MOXD1: variants seen among roughly 807,000 people sequenced by gnomAD.
MOXD1 encodes the protein DBH-like monooxygenase protein 1.
A neutral mutation model predicts 66.6 loss-of-function variants in MOXD1; 62 were observed. The ratio of observed to expected loss-of-function variants is 0.93; its 90% CI spans 0.76 to 1.15. MOXD1 has a LOEUF of 1.15. Among genes scored for constraint, MOXD1 ranks in the 50% most tolerant of loss-of-function variants. The pLI is 0.00. For missense variants in MOXD1, 847 were observed against 754.6 expected, an observed-to-expected ratio of 1.12 and a Z score of -1.44; for synonymous variants, 303 against 281.9, an observed-to-expected ratio of 1.07 and a Z score of -0.75.
At chr6:132,334,892 T>C (rs527400172) in intron 4 of MOXD1, among the ~76,000 whole-genome samples, 1 of 152,238 alleles carries the variant, frequency 6.6e-6, no homozygotes, top group Non-Finnish European at 1.5e-5. Context: ...CTTGGTGGCA[T>C]CTTATTCTAC....
At chr6:132,311,782 A>G (rs917408820) in intron 10 of MOXD1, among the ~76,000 whole-genome samples, 4 of 152,148 alleles carry the variant, frequency 2.6e-5, no homozygotes, top group African/African-American at 9.6e-5. Flanking sequence ...TAAGATGTTT[A>G]TAATAACATT....
chr6:132,401,295 C>G lies in MOXD1; in HGVS notation c.132G>C (p.Arg44=). The G allele has an allele frequency of 6.3e-7, 1 of 1,597,846 alleles. No individual in the cohort carries two copies. The highest frequency in any genetic ancestry group is 8.5e-7 in the Non-Finnish European group (1 of 1,177,226). ...GGAGGCGGAAGGCGATCTGGCTGCC[C>G]CGCTGGCTCCAGCCCAGCCAGTACT... ...EGKYWLGWSQ[R]GSQIAFRLQV... Residue 44 remains arginine, a synonymous_variant, in exon 1 of 12, where the codon CGG becomes CGC. Coordinates refer to ENST00000367963, the MANE Select transcript of MOXD1 (RefSeq NM_015529.4).
At chr6:132,369,517 C>T (rs970769519) in intron 4 of MOXD1, among the ~76,000 whole-genome samples, 1 of 151,874 alleles carries the variant, frequency 6.6e-6, no homozygotes, top group Non-Finnish European at 1.5e-5. Context: ...TTTTCACTTA[C>T]AGAAGCACTT....
rs1295507775 is a variant in MOXD1, at chr6:132,349,412, T to TATATAC, written c.664-20819_664-20818insGTATAT. Reference sequence around the variant, plus strand: ...ATATATACACATATATATACATATATATATATATACATATATATATATACA... The same window carrying TATATAC: ...ATATATACACATATATATACATATATATATACATATATATACATATATATATATACA... On this transcript the variant is annotated intron_variant, in intron 4 of 11. Coordinates refer to ENST00000367963, the MANE Select transcript of MOXD1 (RefSeq NM_015529.4). Among the ~76,000 whole-genome samples, 34 of 84,398 alleles carry TATATAC rather than the reference T, an allele frequency of 4.0e-4. 5 individuals carry two copies. In the East Asian group the frequency reaches 6.4e-3, roughly 16 times the overall value. 55.4% of individuals were successfully genotyped at this position (84,398 alleles called of 152,430 possible).
chr6:132,397,632 GAGACAGAA>G (rs1172854090), intron 1 of MOXD1, among the ~76,000 whole-genome samples: 1 of 109,176 alleles, frequency 9.2e-6, no homozygotes, highest in East Asian at 2.2e-4. Flanking sequence ...GAGAGAGAGA[GAGACAGAA>G]AGAAAGAAAG....
chr6:132,389,480 T>C (rs1776712683), intron 1 of MOXD1, among the ~76,000 whole-genome samples: 1 of 151,296 alleles, frequency 6.6e-6, no homozygotes, highest in Non-Finnish European at 1.5e-5. Context: ...GGTCAGTAGT[T>C]ACTCAACTTG....
chr6:132,355,673 G>C (rs1775896972), intron 4 of MOXD1, among the ~76,000 whole-genome samples: 1 of 152,136 alleles, frequency 6.6e-6, no homozygotes. Flanking sequence ...AACAAGAAGA[G>C]AGAGCCCAGG....
At chr6:132,374,496 A>G (rs1264751736) in intron 2 of MOXD1, 135 bp downstream of exon 2, 3 of 967,060 alleles carry the variant, frequency 3.1e-6, no homozygotes, top group East Asian at 6.5e-5. Context: ...TAAAAAAAAA[A>G]CTAAAAAAAA....
chr6:132,352,634 A>G (rs908164349), intron 4 of MOXD1, among the ~76,000 whole-genome samples: 2 of 152,172 alleles, frequency 1.3e-5, no homozygotes, highest in Admixed American at 6.5e-5. Flanking sequence ...TGTTCTGTAT[A>G]TATCTGTTAA....
intron 1 of MOXD1, among the ~76,000 whole-genome samples, chr6:132,393,777 G>A (rs967637532): frequency 2.0e-5 from 3 of 152,174 alleles, no homozygotes; most frequent in African/African-American, 7.2e-5. Flanking sequence ...GAGCCCAACT[G>A]ACACTCATCA....
At position 132,360,461 on chromosome 6, in the gene MOXD1, G is replaced by A. The variant is rs72994825; in HGVS notation, c.663+12147C>T. On this transcript the variant is annotated intron_variant, in intron 4 of 11. Coordinates refer to ENST00000367963, the MANE Select transcript of MOXD1 (RefSeq NM_015529.4). ...CTTGATGCTTAAGCACATCAACAGA[G>A]GTTGCCTCTGTTTATGCCTCTGCAG... 9.4e-3 allele frequency among the ~76,000 whole-genome samples: 1,437 copies of A among 152,234 alleles called. 26 individuals carry two copies. The highest frequency in any genetic ancestry group is 0.01 in the South Asian group (50 of 4,822).
At chr6:132,336,385 C>T (rs1775439776) in intron 4 of MOXD1, among the ~76,000 whole-genome samples, 1 of 152,168 alleles carries the variant, frequency 6.6e-6, no homozygotes. Flanking sequence ...ACATTTCAGC[C>T]AGAACTAACC....
Position 132,297,110 on chromosome 6 carries a change from G to A in MOXD1, c.*43C>T, listed in dbSNP as rs750271191. The A allele has an allele frequency of 4.4e-6, 7 of 1,596,864 alleles. No individual in the cohort carries two copies. The South Asian group carries it at 5.6e-5, about 13-fold the overall frequency. ...CTTTAACCTGTACTTCAAATGACAGGTTCAGATCATAGAAAACATTGTCAA... is the reference window on the plus strand; with the variant it reads ...CTTTAACCTGTACTTCAAATGACAGATTCAGATCATAGAAAACATTGTCAA... On this transcript the variant is annotated 3_prime_UTR_variant, in exon 12 of 12. Transcript: ENST00000367963.
At chr6:132,380,555 A>T (rs1268076534) in intron 1 of MOXD1, among the ~76,000 whole-genome samples, 1 of 152,206 alleles carries the variant, frequency 6.6e-6, no homozygotes, top group Non-Finnish European at 1.5e-5. Flanking sequence ...ACCAGAAGTG[A>T]TCATTCCCTC....
intron 10 of MOXD1, among the ~76,000 whole-genome samples, chr6:132,305,150 T>C (rs1429174980): frequency 6.6e-6 from 1 of 152,230 alleles, no homozygotes. Flanking sequence ...TCCATCTCTA[T>C]AGCTCCAGAC....
In MOXD1 at chr6:132,328,517, G is replaced by A. The variant is rs201976411; in HGVS notation, c.741C>T (p.Asn247=). 1.9e-4 allele frequency: 311 copies of A among 1,614,104 alleles called. 4 individuals carry two copies. In the South Asian group the frequency reaches 2.3e-3, roughly 12 times the overall value. The change falls in exon 5 of 12, where the codon AAC becomes AAT. Residue 247 remains asparagine, a synonymous_variant. Transcript: ENST00000367963. ...ILLYQCSNNF[N]DSVLESGHEC... is the part of the protein sequence containing the mutation. Reference sequence around the variant, plus strand: ...CGTGGCCGGACTCCAGAACGCTGTCGTTAAAGTTGTTGCTGCACTGATAGA... The same window carrying A: ...CGTGGCCGGACTCCAGAACGCTGTCATTAAAGTTGTTGCTGCACTGATAGA...
At chr6:132,316,886 T>C (rs758143356) in intron 9 of MOXD1, among the ~76,000 whole-genome samples, 21 of 152,138 alleles carry the variant, frequency 1.4e-4, no homozygotes, top group South Asian at 6.2e-4. Flanking sequence ...GAATAATGCC[T>C]GAAATAATCC....
At chr6:132,390,283 T>A (rs1230479402) in intron 1 of MOXD1, 1 of 151,544 alleles carries the variant, frequency 6.6e-6, no homozygotes, top group African/African-American at 2.4e-5. Flanking sequence ...CAGATCATCT[T>A]CTTCATAGTA....
intron 1 of MOXD1, among the ~76,000 whole-genome samples, chr6:132,396,894 A>G (rs1052848761): frequency 6.6e-6 from 1 of 152,214 alleles, no homozygotes; most frequent in Non-Finnish European, 1.5e-5. Context: ...GTCTCCCCCA[A>G]CATAGAAAGT....
Sources: gnomAD v4.1 joint callset for allele counts (sites outside exome capture counted in the v4.1 genomes callset) on GRCh38, gnomAD v4.1.1 for gene constraint, MANE v1.5 for transcripts, NCBI Gene and HGNC (gene_info 2026-07-23, HGNC 2026-07-21) for gene names.